The following PARD3B variants were observed in gnomAD, a reference collection of about 807,000 sequenced individuals.
PARD3B encodes the protein partitioning defective 3 homolog B.
PARD3B carries 103 observed loss-of-function variants against 130.2 expected under a neutral mutation model. The ratio of observed to expected loss-of-function variants is 0.79; its 90% CI spans 0.67 to 0.93. The LOEUF (loss-of-function observed/expected upper bound fraction) is 0.93. Ranked by LOEUF, PARD3B falls within the 40% of genes least tolerant of loss-of-function variation. The probability of loss-of-function intolerance (pLI) is 0.00; values close to 1 mark genes in which losing one functional copy is unlikely to be tolerated. For synonymous variants in PARD3B, 583 were observed against 553.2 expected (o/e 1.05, Z -0.76); for missense variants, 1,609 against 1,499.2 (o/e 1.07, Z -1.21).
At chr2:205,606,927 C>T (rs987282587) in intron 22 of PARD3B, among the ~76,000 whole-genome samples, 12 of 152,154 alleles carry the variant, frequency 7.9e-5, no homozygotes, top group Non-Finnish European at 1.8e-4. Flanking sequence ...GAAATGTAGG[C>T]TCCCAGACCC....
chr2:204,600,423 G>T (rs1326079419), intron 1 of PARD3B, among the ~76,000 whole-genome samples: 1 of 151,586 alleles, frequency 6.6e-6, no homozygotes, highest in Non-Finnish European at 1.5e-5. Flanking sequence ...TGAAGAGATT[G>T]TTCTTTCTTT....
rs977022641 is a variant in PARD3B at position 205,463,586 on chromosome 2, G to T, written c.3044+22914G>T. On this transcript the variant is annotated intron_variant, in intron 20 of 22. Coordinates refer to ENST00000406610, the MANE Select transcript of PARD3B (RefSeq NM_001302769.2). This position sits in a 1 kb window ranked among gnomAD's most constrained non-coding sequence, Gnocchi z 4.8. ...CACTTCTGCTCATGGTTAGCTATTT[G>T]TGAACCAACTGATAATGTGCAAAAT... is the stretch of plus-strand genomic sequence containing the variant. Among the ~76,000 whole-genome samples, 1 of 152,176 alleles carries T rather than the reference G, an allele frequency of 6.6e-6. No individual in the cohort carries two copies. Among genetic ancestry groups the T allele is most frequent in the Admixed American group, 6.5e-5 (1 of 15,272 alleles).
At chr2:205,574,334 G>A (rs1241352408) in intron 22 of PARD3B, among the ~76,000 whole-genome samples, 1 of 152,184 alleles carries the variant, frequency 6.6e-6, no homozygotes, top group Admixed American at 6.5e-5. Flanking sequence ...AAGTCAAGAT[G>A]TCATCCTGGT....
intron 2 of PARD3B, among the ~76,000 whole-genome samples, chr2:204,885,188 G>T (rs2046227761): frequency 6.6e-6 from 1 of 152,148 alleles, no homozygotes; most frequent in African/African-American, 2.4e-5. Context: ...GCATGAGATG[G>T]TATCTCATTG....
At chr2:205,071,804 A>T (rs887146476) in intron 4 of PARD3B, among the ~76,000 whole-genome samples, 1 of 152,190 alleles carries the variant, frequency 6.6e-6, no homozygotes, top group South Asian at 2.1e-4. Flanking sequence ...CTTCCTAAAC[A>T]TAACTGCCAC....
chr2:205,359,665 T>G (rs2044318418), intron 18 of PARD3B, among the ~76,000 whole-genome samples: 1 of 152,130 alleles, frequency 6.6e-6, no homozygotes, highest in Non-Finnish European at 1.5e-5. Context: ...ACAGAAATGG[T>G]ATTGTGCTCA....
chr2:205,193,367 C>G (rs1182947379), intron 15 of PARD3B, 47 bp downstream of exon 15: 2 of 1,370,088 alleles, frequency 1.5e-6, no homozygotes, highest in Admixed American at 3.4e-5. Context: ...CAGCCTCAGC[C>G]CATTTATCTT....
intron 14 of PARD3B, among the ~76,000 whole-genome samples, chr2:205,191,689 C>T (rs1399727375): frequency 1.3e-5 from 2 of 152,184 alleles, no homozygotes; most frequent in Non-Finnish European, 2.9e-5. Context: ...CTCTCAACAA[C>T]CTTGTGAGGT....
chr2:205,222,552 T>TA (rs879584967), intron 15 of PARD3B, among the ~76,000 whole-genome samples: 15 of 152,276 alleles, frequency 9.9e-5, no homozygotes, highest in African/African-American at 3.1e-4. Flanking sequence ...TCCTATCTGT[T>TA]AAAAAAGGGG....
rs1226450825 is a variant in PARD3B, at chr2:205,269,410, CAAG to C, written c.2185+23589_2185+23591del. 1.3e-5 allele frequency among the ~76,000 whole-genome samples: 2 copies of C among 152,052 alleles called. No individual in the cohort carries two copies. Among genetic ancestry groups the C allele is most frequent in the Non-Finnish European group, 2.9e-5 (2 of 68,000 alleles). ...CATCATTCATTCATGATAAAGGAAACAAGGAGGCTTTTTCAGGTAATGTCTTAG... is the reference window on the plus strand; with the variant it reads ...CATCATTCATTCATGATAAAGGAAACGAGGCTTTTTCAGGTAATGTCTTAG... On this transcript the variant is annotated intron_variant, in intron 16 of 22. Transcript: ENST00000406610. This position sits in a 1 kb window ranked among gnomAD's most constrained non-coding sequence, Gnocchi z 4.7.
chr2:204,617,721 G>A (rs2034161724), intron 1 of PARD3B, among the ~76,000 whole-genome samples: 2 of 152,132 alleles, frequency 1.3e-5, no homozygotes, highest in African/African-American at 4.8e-5. Flanking sequence ...AGGAGGCCCT[G>A]ATGTCTGCTG....
At chr2:204,710,412 T>C (rs1190477146) in intron 2 of PARD3B, among the ~76,000 whole-genome samples, 1 of 152,258 alleles carries the variant, frequency 6.6e-6, no homozygotes, top group African/African-American at 2.4e-5. Context: ...TTAAATTCTT[T>C]GCCCTGGGAG....
intron 2 of PARD3B, among the ~76,000 whole-genome samples, chr2:204,942,698 T>C (rs1480496338): frequency 6.6e-6 from 1 of 152,192 alleles, no homozygotes; most frequent in Non-Finnish European, 1.5e-5. Context: ...ATCTTTTGTG[T>C]AGCAAATTTT....
At chr2:205,304,277 T>C (rs1409436403) in intron 18 of PARD3B, among the ~76,000 whole-genome samples, 1 of 152,156 alleles carries the variant, frequency 6.6e-6, no homozygotes, top group Non-Finnish European at 1.5e-5. Flanking sequence ...GCTGCGGTCC[T>C]GCTATCACCT....
At chr2:204,674,261 C>G (rs1406234097) in intron 1 of PARD3B, among the ~76,000 whole-genome samples, 3 of 151,986 alleles carry the variant, frequency 2.0e-5, no homozygotes, top group Non-Finnish European at 4.4e-5. Context: ...AGGGAATCAG[C>G]GTTAGTTAGG....
At chr2:205,159,947 A>G (rs1175533649) in intron 11 of PARD3B, among the ~76,000 whole-genome samples, 5 of 152,200 alleles carry the variant, frequency 3.3e-5, no homozygotes, top group Non-Finnish European at 7.3e-5. Context: ...CCATCTGAAA[A>G]TAATCGTGAT....
rs148893989 is a variant in PARD3B, at chr2:205,616,579, G to A, written c.*766G>A. The A allele has an allele frequency of 1.1e-4, 16 of 152,306 alleles. No individual in the cohort carries two copies. The East Asian group carries it at 2.1e-3, about 20-fold the overall frequency. 9.4% of individuals were successfully genotyped at this position (152,306 alleles called of 1,614,324 possible). A position where few individuals can be genotyped will look rare whatever the true frequency, so the allele number is the denominator to read the frequency against. ...TATCTTCCGAGGACTAAGGTGATCA[G>A]GTTAAGAGGGTTCAACATCCCACGG... On this transcript the variant is annotated 3_prime_UTR_variant, in exon 23 of 23. Transcript: ENST00000406610.
chr2:205,032,147 T>G (rs956811661), intron 3 of PARD3B, among the ~76,000 whole-genome samples: 9 of 152,154 alleles, frequency 5.9e-5, no homozygotes, highest in Non-Finnish European at 1.2e-4. Context: ...CACATTGAAT[T>G]TGATGCCAGG....
chr2:204,828,170 C>T (rs991453058), intron 2 of PARD3B, among the ~76,000 whole-genome samples: 2 of 152,182 alleles, frequency 1.3e-5, no homozygotes, highest in Admixed American at 6.5e-5. Context: ...ATTTCTGATG[C>T]ATCACAGTTA....
Sources: gnomAD v4.1 joint callset for allele counts (sites outside exome capture counted in the v4.1 genomes callset) on GRCh38, gnomAD v4.1.1 for gene constraint, Gnocchi (gnomAD v3.1) non-coding constraint, MANE v1.5 for transcripts, NCBI Gene and HGNC (gene_info 2026-07-23, HGNC 2026-07-21) for gene names.